Variants in KLHL4 observed in about 807,000 individuals in gnomAD.
KLHL4 encodes kelch like family member 4.
Under a neutral mutation model 45.8 loss-of-function variants are expected in KLHL4, and 17 were observed. The ratio of observed to expected loss-of-function variants is 0.37; its 90% CI spans 0.25 to 0.56. KLHL4 has a LOEUF of 0.56. Among genes scored for constraint, KLHL4 ranks in the 20% least tolerant of loss-of-function variants. The pLI is 0.79. For synonymous variants in KLHL4, 224 were observed against 189.9 expected, an observed-to-expected ratio of 1.18 and a Z score of -1.47; for missense variants, 544 against 544.9, an observed-to-expected ratio of 1.00 and a Z score of 0.02.
intron 1 of KLHL4, among the ~76,000 whole-genome samples, chrX:87,571,405 AG>A (rs2147790063): frequency 9.0e-6 from 1 of 111,242 alleles, no homozygotes; most frequent in South Asian, 3.7e-4. Flanking sequence ...AAGAATATAA[AG>A]ATCATTTTAG....
At chrX:87,543,729 A>G (rs929152451) in intron 1 of KLHL4, among the ~76,000 whole-genome samples, 2 of 111,271 alleles carry the variant, frequency 1.8e-5, no homozygotes, top group Admixed American at 1.9e-4. Context: ...AAACATTGCC[A>G]CAAAGAGCCA....
rs761422167 is a variant in KLHL4 at position 87,665,526 on chromosome X, C to T, written c.2097+591C>T. On this transcript the variant is annotated intron_variant, in intron 10 of 10. Coordinates refer to ENST00000373119, the MANE Select transcript of KLHL4 (RefSeq NM_019117.5). Reference sequence around the variant, plus strand: ...ATTAGAACTAATTTCAAAGAGAGTACAAAAAATAGCATTGAAATGGCATCT... The same window carrying T: ...ATTAGAACTAATTTCAAAGAGAGTATAAAAAATAGCATTGAAATGGCATCT... Among the ~76,000 whole-genome samples the T allele has an allele frequency of 7.2e-5, 8 of 111,395 alleles. No individual in the cohort carries two copies. The South Asian group carries it at 1.5e-3, about 21-fold the overall frequency.
intron 1 of KLHL4, among the ~76,000 whole-genome samples, chrX:87,539,583 A>AT (rs900284462): frequency 2.1e-4 from 23 of 109,797 alleles, no homozygotes; most frequent in African/African-American, 7.3e-4. Context: ...TATATATGTA[A>AT]TTTTTTTGCA....
At position 87,565,930 on chromosome X, in the gene KLHL4, C is replaced by T. The variant is rs145303954; in HGVS notation, c.422+47615C>T. 3.0e-3 allele frequency among the ~76,000 whole-genome samples: 332 copies of T among 109,302 alleles called. 2 individuals are homozygous for T. The highest frequency in any genetic ancestry group is 0.01 in the African/African-American group (307 of 29,972). The allele number at this position is 109,302 out of a possible 115,157, so 94.9% of individuals were successfully genotyped here. The stretch of plus-strand genomic sequence containing the variant: ...GAGTTATTAATCAAAAAACTCCCAA[C>T]TGAGGGGAACAACACACACCAGGGC... On this transcript the variant is annotated intron_variant, in intron 1 of 10. Transcript: ENST00000373119.
chrX:87,587,664 T>A (rs774819030), intron 1 of KLHL4, among the ~76,000 whole-genome samples: 1 of 111,199 alleles, frequency 9.0e-6, no homozygotes, highest in South Asian at 3.8e-4. Flanking sequence ...AACATATTAA[T>A]AGCCATATAC....
At chrX:87,548,845 GA>G (rs58087826) in intron 1 of KLHL4, among the ~76,000 whole-genome samples, 2,462 of 80,035 alleles carry the variant, frequency 0.031, 86 homozygotes, top group African/African-American at 0.1. Context: ...AAGAAAGAAT[GA>G]AAAAAAAAAA....
At chrX:87,659,083 C>G (rs1924090556) in intron 9 of KLHL4, among the ~76,000 whole-genome samples, 1 of 102,263 alleles carries the variant, frequency 9.8e-6, no homozygotes, top group Admixed American at 1.1e-4. Flanking sequence ...GTCCCTTAGG[C>G]TCTATTCATA....
chrX:87,655,648 C>T (rs1923966430), intron 9 of KLHL4, among the ~76,000 whole-genome samples: 1 of 111,002 alleles, frequency 9.0e-6, no homozygotes, highest in African/African-American at 3.3e-5. Flanking sequence ...TTTTGTCAAC[C>T]TATTTAATTG....
At chrX:87,518,896 C>A (rs1930945142) in intron 1 of KLHL4, among the ~76,000 whole-genome samples, 1 of 112,040 alleles carries the variant, frequency 8.9e-6, no homozygotes, top group Non-Finnish European at 1.9e-5. Context: ...CTACATAAAG[C>A]AGGTAATAAG....
Position 87,667,796 on chromosome X carries a change from G to A in KLHL4, c.*1262G>A. ...TTCTTTTAAACAGTCTTTTTATTGT[G>A]GATTGTGAAATCAAAATCTGGAGAA... On this transcript the variant is annotated 3_prime_UTR_variant, in exon 11 of 11. Coordinates refer to ENST00000373119, the MANE Select transcript of KLHL4 (RefSeq NM_019117.5). 5.9e-6 allele frequency: 4 copies of A among 677,634 alleles called. No homozygotes were observed. Among genetic ancestry groups the A allele is most frequent in the Non-Finnish European group, 7.0e-6 (4 of 569,745 alleles). The allele number at this position is 677,634 out of a possible 1,213,427, so 55.8% of individuals were successfully genotyped here.
intron 1 of KLHL4, among the ~76,000 whole-genome samples, chrX:87,533,243 A>T (rs1334927978): frequency 9.4e-6 from 1 of 106,692 alleles, no homozygotes; most frequent in African/African-American, 3.4e-5. Context: ...TGCTATAAAG[A>T]CACATGCACA....
chrX:87,556,477 G>A (rs1484122021), intron 1 of KLHL4, among the ~76,000 whole-genome samples: 1 of 100,141 alleles, frequency 1.0e-5, no homozygotes, highest in African/African-American at 3.7e-5. Context: ...TGAACAATGA[G>A]AACACATGGA....
chrX:87,568,978 C>T (rs1359299474), intron 1 of KLHL4, among the ~76,000 whole-genome samples: 1 of 111,154 alleles, frequency 9.0e-6, no homozygotes, highest in Non-Finnish European at 1.9e-5. Flanking sequence ...TTAATTGGAA[C>T]TCATCAAAAT....
chrX:87,551,574 G>GAT (rs1375151944), intron 1 of KLHL4, among the ~76,000 whole-genome samples: 1 of 109,030 alleles, frequency 9.2e-6, no homozygotes, highest in Non-Finnish European at 1.9e-5. Flanking sequence ...TAGACAGATA[G>GAT]ATAAATAGAT....
intron 9 of KLHL4, 64 bp from the exon 10 acceptor site, chrX:87,664,696 ATGTC>A: frequency 1.4e-6 from 1 of 714,802 alleles, no homozygotes; most frequent in East Asian, 3.2e-5. Flanking sequence ...CATTTTAAGA[ATGTC>A]TGTTATTTTC....
In KLHL4 at chrX:87,577,241, G is replaced by A. The variant is rs780033974; in HGVS notation, c.423-36636G>A. Among the ~76,000 whole-genome samples, 6 of 111,526 alleles carry A rather than the reference G, an allele frequency of 5.4e-5. No homozygotes were observed. In the South Asian group the frequency reaches 1.1e-3, roughly 21 times the overall value. ...CCTGTTTTCCCGGAGCATACACGCCGGTGGCACTTGTGGCTGCAGCATTTA... is the reference window on the plus strand; with the variant it reads ...CCTGTTTTCCCGGAGCATACACGCCAGTGGCACTTGTGGCTGCAGCATTTA... On this transcript the variant is annotated intron_variant, in intron 1 of 10. Coordinates refer to ENST00000373119, the MANE Select transcript of KLHL4 (RefSeq NM_019117.5).
intron 7 of KLHL4, 34 bp downstream of exon 7, chrX:87,632,468 G>A (rs1923128685): frequency 1.0e-6 from 1 of 958,782 alleles, no homozygotes; most frequent in Non-Finnish European, 1.4e-6. Flanking sequence ...TTTCAAGAAT[G>A]TATAGTAAGT....
intron 9 of KLHL4, among the ~76,000 whole-genome samples, chrX:87,653,965 A>G (rs1302716997): frequency 3.6e-5 from 4 of 110,301 alleles, no homozygotes; most frequent in Admixed American, 2.9e-4. Flanking sequence ...AACAGCAAAC[A>G]CTGAGGCTTG....
intron 9 of KLHL4, among the ~76,000 whole-genome samples, chrX:87,643,302 C>T (rs1923525917): frequency 9.0e-6 from 1 of 110,997 alleles, no homozygotes; most frequent in Non-Finnish European, 1.9e-5. Context: ...ACTAAAAAAC[C>T]TAGAAGAGAT....
Sources: gnomAD v4.1 joint callset for allele counts (sites outside exome capture counted in the v4.1 genomes callset) on GRCh38, gnomAD v4.1.1 for gene constraint, MANE v1.5 for transcripts, NCBI Gene and HGNC (gene_info 2026-07-23, HGNC 2026-07-21) for gene names.